The following IQUB variants were observed in gnomAD, a reference collection of about 807,000 sequenced individuals.
IQUB encodes IQ motif and ubiquitin domain containing.
In IQUB, 86 loss-of-function variants were observed where a neutral mutation model predicts 86.4. The observed-to-expected ratio is 1.00, with a 90% CI of 0.84 to 1.19. The LOEUF (loss-of-function observed/expected upper bound fraction) is 1.19, where lower values mean the gene tolerates loss of function less well. Among genes scored for constraint, IQUB ranks in the 50% most tolerant of loss-of-function variants. The probability of loss-of-function intolerance (pLI) is 0.00; values close to 1 mark genes in which losing one functional copy is unlikely to be tolerated. For missense variants in IQUB, 946 were observed against 916.9 expected (o/e 1.03, Z -0.41); for synonymous variants, 289 against 304.5 (o/e 0.95, Z 0.53).
At chr7:123,499,772 A>C (rs1056592866) in intron 6 of IQUB, among the ~76,000 whole-genome samples, 1 of 152,204 alleles carries the variant, frequency 6.6e-6, no homozygotes, top group East Asian at 1.9e-4. Flanking sequence ...CGTGTGAACC[A>C]GAGCAACTCC....
intron 6 of IQUB, 66 bp downstream of exon 6, chr7:123,502,529 GAC>G (rs1214817222): frequency 4.5e-5 from 62 of 1,377,060 alleles, no homozygotes; most frequent in Middle Eastern, 1.8e-4. Context: ...TGGAGAAAGA[GAC>G]ACACTCGGAA....
At chr7:123,471,034 C>T (rs573987027) in intron 8 of IQUB, among the ~76,000 whole-genome samples, 1 of 152,194 alleles carries the variant, frequency 6.6e-6, no homozygotes, top group East Asian at 1.9e-4. Flanking sequence ...ATATTCAGAT[C>T]AAAGCCAAAA....
chr7:123,527,107 C>T (rs960379084), intron 1 of IQUB, among the ~76,000 whole-genome samples: 5 of 152,278 alleles, frequency 3.3e-5, no homozygotes, highest in African/African-American at 4.8e-5. Flanking sequence ...TTGATCACAT[C>T]GGCTCCTGAG....
intron 8 of IQUB, 97 bp downstream of exon 8, chr7:123,479,698 T>G: frequency 1.2e-6 from 1 of 859,336 alleles, no homozygotes; most frequent in African/African-American, 1.8e-5. Flanking sequence ...ACAAAATTCA[T>G]GTAAGTTCTT....
Position 123,503,098 on chromosome 7 carries a change from T to C in IQUB, c.713A>G (p.Gln238Arg). 2 of 1,612,944 alleles carry C rather than the reference T, an allele frequency of 1.2e-6. No individual in the cohort carries two copies. Among genetic ancestry groups the C allele is most frequent in the Middle Eastern group, 1.7e-4 (1 of 6,054 alleles). Residue 238 changes from glutamine to arginine, a missense_variant, in exon 5 of 13, where the codon CAG (glutamine) becomes CGG (arginine). Physicochemically the swap from Gln to Arg is conservative, Grantham distance 43 (BLOSUM62 1). Transcript: ENST00000324698. ...AGATTTGACAATCTCAACAGGTACC[T>C]GCTGGTATTGATCAAGTCCTGAGAG... is the stretch of plus-strand genomic sequence containing the variant. Reference protein sequence around the residue: ...TVQTGLDQYQQVPVEIVKSDF... With the variant: ...TVQTGLDQYQRVPVEIVKSDF...
intron 1 of IQUB, among the ~76,000 whole-genome samples, chr7:123,528,037 G>A (rs896106268): frequency 6.6e-6 from 1 of 152,222 alleles, no homozygotes; most frequent in South Asian, 2.1e-4. Flanking sequence ...TTTTAAGCCT[G>A]TCGGAAAAGC....
intron 1 of IQUB, chr7:123,533,035 C>A (rs1462229260): frequency 6.6e-6 from 1 of 152,266 alleles, no homozygotes; most frequent in African/African-American, 2.4e-5. Context: ...GGTAGGTCTG[C>A]GCAGACAGCG....
intron 7 of IQUB, among the ~76,000 whole-genome samples, chr7:123,488,677 A>G (rs1360998337): frequency 1.3e-5 from 2 of 152,334 alleles, no homozygotes; most frequent in East Asian, 3.9e-4. Flanking sequence ...ACAGGCCAAG[A>G]AAGAGCAATC....
intron 8 of IQUB, among the ~76,000 whole-genome samples, chr7:123,476,830 G>A (rs1299476146): frequency 1.3e-5 from 2 of 151,818 alleles, no homozygotes; most frequent in African/African-American, 2.4e-5. Flanking sequence ...TAGTGGGTTT[G>A]GAAAGGAAGA....
chr7:123,501,438 C>T (rs1795938467), intron 6 of IQUB: 1 of 152,172 alleles, frequency 6.6e-6, no homozygotes, highest in African/African-American at 2.4e-5. Context: ...CTCCCAAGGA[C>T]ACTCTACAAC....
intron 8 of IQUB, among the ~76,000 whole-genome samples, chr7:123,478,527 A>T (rs1287097918): frequency 3.9e-5 from 6 of 152,164 alleles, no homozygotes; most frequent in Non-Finnish European, 7.3e-5. Flanking sequence ...CTATGTAATA[A>T]ACCTGCATGT....
intron 1 of IQUB, among the ~76,000 whole-genome samples, chr7:123,531,817 CTTAT>C (rs1797548614): frequency 6.6e-6 from 1 of 152,208 alleles, no homozygotes; most frequent in Admixed American, 6.5e-5. Context: ...ATGCCCAAGA[CTTAT>C]TTAATGTGTA....
chr7:123,469,204 G>C lies in IQUB; in HGVS notation c.1581+10C>G. The C allele has an allele frequency of 1.4e-6, 2 of 1,466,706 alleles. No individual in the cohort carries two copies. Among genetic ancestry groups the C allele is most frequent in the Non-Finnish European group, 1.8e-6 (2 of 1,103,466 alleles). The allele number at this position is 1,466,706 out of a possible 1,614,324, so 90.9% of individuals were successfully genotyped here. ...AACTCTACCCCCAAACTAAGAGAAA[G>C]TTAACATACCTTTACAGTGTGTTTA... On this transcript the variant is annotated intron_variant, in intron 9 of 12. Transcript: ENST00000324698.
At chr7:123,464,604 T>C (rs1794161281) in intron 10 of IQUB, among the ~76,000 whole-genome samples, 1 of 151,888 alleles carries the variant, frequency 6.6e-6, no homozygotes, top group South Asian at 2.1e-4. Context: ...AGTTGGAAAG[T>C]TGGTGAAGAG....
At chr7:123,460,236 C>T (rs1182123672) in intron 11 of IQUB, among the ~76,000 whole-genome samples, 1 of 151,714 alleles carries the variant, frequency 6.6e-6, no homozygotes, top group East Asian at 1.9e-4. Flanking sequence ...GATTTTTGTG[C>T]TGATTAACTC....
chr7:123,510,561 G>T (rs1407005039), intron 2 of IQUB, among the ~76,000 whole-genome samples: 1 of 152,058 alleles, frequency 6.6e-6, no homozygotes, highest in Admixed American at 6.6e-5. Context: ...TATGTAAAAA[G>T]TAATTAATAT....
intron 11 of IQUB, among the ~76,000 whole-genome samples, chr7:123,459,402 T>C (rs1793879379): frequency 1.3e-5 from 2 of 151,974 alleles, no homozygotes; most frequent in African/African-American, 4.8e-5. Context: ...TCTTCCATAA[T>C]GTGAGTGGGC....
intron 1 of IQUB, among the ~76,000 whole-genome samples, chr7:123,517,814 G>C (rs1224207913): frequency 6.6e-6 from 1 of 152,124 alleles, no homozygotes; most frequent in Non-Finnish European, 1.5e-5. Context: ...CCTACAGCCA[G>C]CAAGAACAAT....
chr7:123,457,873 T>C (rs1001498329), intron 11 of IQUB: 40 of 217,848 alleles, frequency 1.8e-4, no homozygotes, highest in African/African-American at 8.9e-4. Context: ...ACATATGGTA[T>C]TGAATGATCT....
Sources: gnomAD v4.1 joint callset for allele counts (sites outside exome capture counted in the v4.1 genomes callset) on GRCh38, gnomAD v4.1.1 for gene constraint, MANE v1.5 for transcripts, NCBI Gene and HGNC (gene_info 2026-07-23, HGNC 2026-07-21) for gene names.